The following PIEZO1 variants were observed in gnomAD, a reference collection of about 807,000 sequenced individuals.
PIEZO1 encodes piezo type mechanosensitive ion channel component 1 (Er blood group), also known as piezo-type mechanosensitive ion channel component 1.
In PIEZO1, 296 loss-of-function variants were observed where a neutral mutation model predicts 297.2. The observed-to-expected ratio is 1.00, with a 90% CI of 0.91 to 1.10. PIEZO1 has a LOEUF of 1.10. PIEZO1 is among the 50% of genes least tolerant of loss of function. PIEZO1 has a pLI of 0.00. For missense variants in PIEZO1, 5,018 were observed against 3,455.5 expected (o/e 1.45, Z -11.34); for synonymous variants, 2,427 against 1,507.5 (o/e 1.61, Z -14.13).
At chr16:88,773,378 G>T (rs962348465) in intron 1 of PIEZO1, among the ~76,000 whole-genome samples, 2 of 152,284 alleles carry the variant, frequency 1.3e-5, no homozygotes, top group Non-Finnish European at 2.9e-5. Flanking sequence ...CAGGGGGAGG[G>T]GCCTTGCCCG....
At chr16:88,721,018 G>A (rs774136472) in intron 39 of PIEZO1, 148 bp downstream of exon 39, 234 of 867,532 alleles carry the variant, frequency 2.7e-4, no homozygotes, top group Non-Finnish European at 1.2e-4. Flanking sequence ...AGGCAGAGCC[G>A]GGAGCTGTGG....
Position 88,770,772 on chromosome 16 carries a change from C to T in PIEZO1, c.64+14129G>A, listed in dbSNP as rs549118193. ...TTCCCACGGAGCAGTCAGGTCCGGG[C>T]CAGGCGTCCTCCACTGGGCCCCGCG... On this transcript the variant is annotated intron_variant, in intron 1 of 50. Coordinates refer to ENST00000301015, the MANE Select transcript of PIEZO1 (RefSeq NM_001142864.4). 3.3e-5 allele frequency among the ~76,000 whole-genome samples: 5 copies of T among 152,344 alleles called. No homozygotes were observed. The East Asian group carries it at 9.6e-4, about 29-fold the overall frequency.
intron 10 of PIEZO1, chr16:88,737,056 T>C: frequency 3.5e-6 from 1 of 284,240 alleles, no homozygotes; most frequent in South Asian, 6.6e-5. Context: ...CTTCATTTGC[T>C]TCATTCAGAA....
At position 88,736,663 on chromosome 16, in the gene PIEZO1, A is replaced by G. The variant is rs1454033251; in HGVS notation, c.1272T>C (p.Tyr424=). The G allele has an allele frequency of 2.0e-6, 3 of 1,532,196 alleles. No individual in the cohort carries two copies. Among genetic ancestry groups the G allele is most frequent in the East Asian group, 2.4e-5 (1 of 40,824 alleles). 94.9% of individuals were successfully genotyped at this position (1,532,196 alleles called of 1,614,324 possible). A position where few individuals can be genotyped will look rare whatever the true frequency, so the allele number is the denominator to read the frequency against. ...SLGHLIMDQS[Y]VCALIAMMVW... is the part of the protein sequence containing the mutation. ...CCATCATGGCAATGAGCGCGCACAC[A>G]TAGCTCTGGTCCATGATGAGGTGGC... The change falls in exon 11 of 51, where the codon TAT becomes TAC. Residue 424 remains tyrosine (Y), a synonymous_variant. Coordinates refer to ENST00000301015, the MANE Select transcript of PIEZO1 (RefSeq NM_001142864.4).
chr16:88,732,456 T>A lies in PIEZO1; in HGVS notation c.2870A>T (p.Gln957Leu). Residue 957 changes from glutamine to leucine, a missense_variant, in exon 21 of 51, where the codon CAG becomes CTG. Physicochemically the swap from Gln to Leu is moderately radical, Grantham distance 113 (BLOSUM62 -2). Coordinates refer to ENST00000301015, the MANE Select transcript of PIEZO1 (RefSeq NM_001142864.4). ...GGCCTGGGCAGGCAGCGGGGCCAGCTGGTGCTGCCGGCGGTAGTGCTCCTG... is the reference window on the plus strand; with the variant it reads ...GGCCTGGGCAGGCAGCGGGGCCAGCAGGTGCTGCCGGCGGTAGTGCTCCTG... ...RRQEHYRRQH[Q>L]LAPLPAQAVF... is the part of the protein sequence containing the mutation. The A allele has an allele frequency of 6.5e-7, 1 of 1,549,496 alleles. No homozygotes were observed. The highest frequency in any genetic ancestry group is 8.7e-7 in the Non-Finnish European group (1 of 1,146,400).
chr16:88,724,991 C>T lies in PIEZO1; in HGVS notation c.4234+18G>A, dbSNP rs778887008. On this transcript the variant is annotated intron_variant, in intron 30 of 50. Coordinates refer to ENST00000301015, the MANE Select transcript of PIEZO1 (RefSeq NM_001142864.4). ...GAGGGCCTGAGAGGGTGGCCACAGGCGGCCTAATTGGGGGTACCTGTGGCG... is the reference window on the plus strand; with the variant it reads ...GAGGGCCTGAGAGGGTGGCCACAGGTGGCCTAATTGGGGGTACCTGTGGCG... 65 of 1,438,670 alleles carry T rather than the reference C, an allele frequency of 4.5e-5. No homozygotes were observed. The highest frequency in any genetic ancestry group is 5.9e-5 in the African/African-American group (4 of 67,468). 89.1% of individuals were successfully genotyped at this position (1,438,670 alleles called of 1,614,324 possible). A position where few individuals can be genotyped will look rare whatever the true frequency, so the allele number is the denominator to read the frequency against.
At chr16:88,745,707 C>T (rs549470900) in intron 2 of PIEZO1, 2 of 147,576 alleles carry the variant, frequency 1.4e-5, no homozygotes, top group Admixed American at 6.9e-5. Context: ...TGAGATCGCG[C>T]CACTGCACTC....
At chr16:88,737,042 G>A (rs781205106) in intron 10 of PIEZO1, 30 of 311,132 alleles carry the variant, frequency 9.6e-5, no homozygotes, top group Middle Eastern at 9.0e-4. Context: ...CCCCAGGGCC[G>A]TGGCTTCATT....
At position 88,723,135 on chromosome 16, in the gene PIEZO1, C is replaced by T. The variant is rs968577853; in HGVS notation, c.4455G>A (p.Gln1485=). 3 of 1,549,010 alleles carry T rather than the reference C, an allele frequency of 1.9e-6. No homozygotes were observed. The highest frequency in any genetic ancestry group is 1.7e-6 in the Non-Finnish European group (2 of 1,146,822). ...CGGGGCCCTCTGCTGGCTCCACCTC[C>T]TGGCTGGGACCACCTCCTGGGCACA... ...GQLPTGGGPS[Q]EVEPAEGPEE... The change falls in exon 33 of 51, where the codon CAG becomes CAA. Residue 1485 remains glutamine, a synonymous_variant. Coordinates refer to ENST00000301015, the MANE Select transcript of PIEZO1 (RefSeq NM_001142864.4).
At chr16:88,756,420 C>T (rs1333598374) in intron 1 of PIEZO1, among the ~76,000 whole-genome samples, 1 of 152,202 alleles carries the variant, frequency 6.6e-6, no homozygotes, top group Non-Finnish European at 1.5e-5. Context: ...TCTCGTGTGA[C>T]ATGTCCTCAG....
At chr16:88,727,760 G>A (rs1433995841) in intron 22 of PIEZO1, 99 bp from the exon 23 acceptor site, 2 of 546,148 alleles carry the variant, frequency 3.7e-6, no homozygotes, top group Non-Finnish European at 3.2e-6. Flanking sequence ...CAGCCCTCAG[G>A]GTCCATGGGA....
intron 22 of PIEZO1, among the ~76,000 whole-genome samples, chr16:88,730,267 C>T (rs1434513065): frequency 6.6e-6 from 1 of 152,182 alleles, no homozygotes; most frequent in Non-Finnish European, 1.5e-5. Context: ...GCCTGGGTAG[C>T]AGAAGATGAG....
chr16:88,716,579 G>T lies in PIEZO1; in HGVS notation c.6906C>A (p.Arg2302=). 1 of 1,546,004 alleles carries T rather than the reference G, an allele frequency of 6.5e-7. No individual in the cohort carries two copies. The highest frequency in any genetic ancestry group is 1.4e-5 in the African/African-American group (1 of 73,134). The change falls in exon 47 of 51, where the codon CGC becomes CGA. Residue 2302 remains arginine (R), a synonymous_variant. Coordinates refer to ENST00000301015, the MANE Select transcript of PIEZO1 (RefSeq NM_001142864.4). ...LYNGTADITL[R]FTWNFQRDLA... is the part of the protein sequence containing the mutation. ...CGAACCTCTGGAAGTTCCAGGTGAA[G>T]CGCAGGGTGATGTCGGCCGTGCCGT...
chr16:88,737,634 T>C lies in PIEZO1; in HGVS notation c.1120A>G (p.Thr374Ala). Residue 374 changes from threonine to alanine, a missense_variant, in exon 10 of 51, where the codon ACA becomes GCA. By Grantham distance (58) the Thr-to-Ala change is moderately conservative. Coordinates refer to ENST00000301015, the MANE Select transcript of PIEZO1 (RefSeq NM_001142864.4). ...ERESDQHVVP[T>A]APDTEADNCI... ...TTATCAGCCTCGGTGTCGGGTGCTG[T>C]GGGCACCACGTGCTGTGGGCAAGCA... The C allele has an allele frequency of 1.3e-6, 2 of 1,534,688 alleles. No homozygotes were observed. The highest frequency in any genetic ancestry group is 8.7e-7 in the Non-Finnish European group (1 of 1,146,260).
At chr16:88,734,090 G>T (rs1156721942) in intron 16 of PIEZO1, 36 bp from the exon 17 acceptor site, 11 of 1,476,260 alleles carry the variant, frequency 7.5e-6, no homozygotes, top group African/African-American at 1.4e-5. Flanking sequence ...CTCCCAACTG[G>T]GTTCCTGCCC....
In PIEZO1 at chr16:88,716,891, A is replaced by C; in HGVS notation, c.6668T>G (p.Phe2223Cys). ...TLKLGGYEPL[F>C]TMSAQQPSII... ...GGACGGCTGCTGGGCGCTCATGGTG[A>C]ACAGCGGCTGGGGCAGGCACGGGGA... The change falls in exon 46 of 51, where the codon TTC (phenylalanine) becomes TGC (cysteine). Residue 2223 changes from phenylalanine (F) to cysteine (C), a missense_variant. Coordinates refer to ENST00000301015, the MANE Select transcript of PIEZO1 (RefSeq NM_001142864.4). 6.5e-7 allele frequency: 1 copy of C among 1,549,840 alleles called. No individual in the cohort carries two copies. Among genetic ancestry groups the C allele is most frequent in the Non-Finnish European group, 8.7e-7 (1 of 1,146,892 alleles).
rs569396543 is a variant in PIEZO1 at position 88,721,792 on chromosome 16, C to G, written c.5214+16G>C. ...GCGGTGGGCCGGGCGCCCCCTCCCC[C>G]GCGGCCTCGGCCCACCTCGGTGAAG... On this transcript the variant is annotated intron_variant, in intron 37 of 50. Coordinates refer to ENST00000301015, the MANE Select transcript of PIEZO1 (RefSeq NM_001142864.4). 7 of 1,537,128 alleles carry G rather than the reference C, an allele frequency of 4.6e-6. No homozygotes were observed. The East Asian group carries it at 7.4e-5, about 16-fold the overall frequency.
chr16:88,774,943 C>A (rs536818078), intron 1 of PIEZO1, among the ~76,000 whole-genome samples: 1 of 152,182 alleles, frequency 6.6e-6, no homozygotes, highest in Non-Finnish European at 1.5e-5. Flanking sequence ...GAAAAACAGG[C>A]GCAAAGATAG....
In PIEZO1 at chr16:88,726,402, C is replaced by T. The variant is rs539629708; in HGVS notation, c.3850G>A (p.Gly1284Ser). ...AAGCAGACGCTGTCCCAGATGATGC[C>T]AGCCTCCTCCACAGGCAGCAGGCAG... ...QDCLLPVEEA[G>S]IIWDSVCFFF... The change falls in exon 27 of 51, where the codon GGC becomes AGC. Residue 1284 changes from glycine to serine, a missense_variant. Gly to Ser is a moderately conservative substitution (Grantham distance 56). Coordinates refer to ENST00000301015, the MANE Select transcript of PIEZO1 (RefSeq NM_001142864.4). 3 of 1,550,546 alleles carry T rather than the reference C, an allele frequency of 1.9e-6. No individual in the cohort carries two copies. In the Admixed American group the frequency reaches 5.9e-5, roughly 30 times the overall value.
Sources: gnomAD v4.1 joint callset for allele counts (sites outside exome capture counted in the v4.1 genomes callset) on GRCh38, gnomAD v4.1.1 for gene constraint, MANE v1.5 for transcripts, NCBI Gene and HGNC (gene_info 2026-07-23, HGNC 2026-07-21) for gene names.